Variants in OR8J1 observed in about 807,000 individuals in gnomAD.
The protein encoded by OR8J1 is olfactory receptor 8J1.
For missense variants in OR8J1, 400 were observed against 373.0 expected (o/e 1.07, Z -0.60); for synonymous variants, 157 against 144.3 (o/e 1.09, Z -0.63).
intron 1 of OR8J1, among the ~76,000 whole-genome samples, chr11:56,355,355 A>T (rs893567960): frequency 2.0e-5 from 3 of 151,970 alleles, no homozygotes; most frequent in African/African-American, 7.3e-5. Context: ...CTCATCAAGG[A>T]CCAGGCATGC....
At chr11:56,357,979 G>C in intron 1 of OR8J1, 1 of 894,516 alleles carries the variant, frequency 1.1e-6, no homozygotes, top group Non-Finnish European at 1.8e-6. Flanking sequence ...AGATGAAGAT[G>C]CTTACAAGAA....
chr11:56,357,303 C>T (rs1051345344), intron 1 of OR8J1: 17 of 513,514 alleles, frequency 3.3e-5, no homozygotes, highest in African/African-American at 1.9e-4. Flanking sequence ...GCCGTGGATG[C>T]GGGCCTCTCT....
At position 56,360,887 on chromosome 11, in the gene OR8J1, T is replaced by C. The variant is rs746582070; in HGVS notation, c.641T>C (p.Val214Ala). 3 of 1,504,088 alleles carry C rather than the reference T, an allele frequency of 2.0e-6. No individual in the cohort carries two copies. The highest frequency in any genetic ancestry group is 4.8e-5 in the Admixed American group (2 of 41,302). The allele number at this position is 1,504,088 out of a possible 1,614,324, so 93.2% of individuals were successfully genotyped here. A position where few individuals can be genotyped will look rare whatever the true frequency, so the allele number is the denominator to read the frequency against. The change falls in exon 2 of 2, where the codon GTT becomes GCT. Residue 214 changes from valine (V) to alanine (A), a missense_variant. Coordinates refer to ENST00000533152, the MANE Select transcript of OR8J1 (RefSeq NM_001005205.3). ...AATGTGGTTGGTTCCTTGATTATAGTTCTAGTATCTTATTTCAATATTGTT... is the reference window on the plus strand; with the variant it reads ...AATGTGGTTGGTTCCTTGATTATAGCTCTAGTATCTTATTTCAATATTGTT... Reference protein sequence around the residue: ...ATNVVGSLIIVLVSYFNIVLS... With the variant: ...ATNVVGSLIIALVSYFNIVLS...
intron 1 of OR8J1, among the ~76,000 whole-genome samples, chr11:56,359,558 G>T (rs1351892160): frequency 6.6e-6 from 1 of 151,976 alleles, no homozygotes; most frequent in Non-Finnish European, 1.5e-5. Flanking sequence ...ATCCAGTAAA[G>T]CATAATGCCA....
chr11:56,361,031 C>A lies in OR8J1; in HGVS notation c.785C>A (p.Pro262His). 6.7e-7 allele frequency: 1 copy of A among 1,493,680 alleles called. No homozygotes were observed. Among genetic ancestry groups the A allele is most frequent in the African/African-American group, 1.4e-5 (1 of 69,786 alleles). The allele number at this position is 1,493,680 out of a possible 1,614,324, so 92.5% of individuals were successfully genotyped here. The change falls in exon 2 of 2, where the codon CCC (proline) becomes CAC (histidine). Residue 262 changes from proline to histidine, a missense_variant. Transcript: ENST00000533152. ...YGTLLFMYVQ[P>H]RSNHSLDTDD... is the part of the protein sequence containing the mutation. ...ACATTGCTATTCATGTATGTGCAGC[C>A]CCGAAGTAACCATTCACTGGATACT...
intron 1 of OR8J1, among the ~76,000 whole-genome samples, chr11:56,359,389 A>G (rs1200589891): frequency 2.0e-5 from 3 of 151,988 alleles, no homozygotes; most frequent in Non-Finnish European, 4.4e-5. Context: ...AATCAACTGA[A>G]AGAGCAGATA....
At position 56,360,473 on chromosome 11, in the gene OR8J1, T is replaced by C; in HGVS notation, c.227T>C (p.Val76Ala). ...CTCATTAATCTTGGTAACTCTACTG[T>C]CATTGCCCCTAAAATGCTGATTAAC... ...LALINLGNST[V>A]IAPKMLINFL... Residue 76 changes from valine to alanine, a missense_variant, in exon 2 of 2, where the codon GTC (valine) becomes GCC (alanine). Physicochemically the swap from Val to Ala is moderately conservative, Grantham distance 64. Coordinates refer to ENST00000533152, the MANE Select transcript of OR8J1 (RefSeq NM_001005205.3). The C allele has an allele frequency of 6.2e-7, 1 of 1,614,180 alleles. No homozygotes were observed. The highest frequency in any genetic ancestry group is 8.5e-7 in the Non-Finnish European group (1 of 1,180,024).
intron 1 of OR8J1, among the ~76,000 whole-genome samples, chr11:56,356,635 T>G (rs1044107130): frequency 1.3e-5 from 2 of 152,172 alleles, no homozygotes; most frequent in African/African-American, 4.8e-5. Context: ...AAAATAGGAT[T>G]GATCTTCAGT....
At chr11:56,354,846 A>G (rs1281625890) in intron 1 of OR8J1, among the ~76,000 whole-genome samples, 2 of 152,248 alleles carry the variant, frequency 1.3e-5, no homozygotes, top group African/African-American at 4.8e-5. Context: ...CCACTGCAAT[A>G]ATGGAAAGTG....
intron 1 of OR8J1, among the ~76,000 whole-genome samples, chr11:56,356,183 T>C (rs1256294364): frequency 6.6e-6 from 1 of 152,156 alleles, no homozygotes; most frequent in Non-Finnish European, 1.5e-5. Context: ...CCAAGAAGGA[T>C]ACAATAATTA....
intron 1 of OR8J1, chr11:56,357,845 T>A (rs1854990741): frequency 8.4e-6 from 8 of 953,848 alleles, no homozygotes; most frequent in Non-Finnish European, 1.2e-5. Context: ...TGTCTATCCC[T>A]CACAGTACCA....
chr11:56,361,193 T>C lies in OR8J1; in HGVS notation c.947T>C (p.Met316Thr), dbSNP rs1852634457. 1.6e-6 allele frequency: 2 copies of C among 1,278,964 alleles called. No individual in the cohort carries two copies. Among genetic ancestry groups the C allele is most frequent in the East Asian group, 2.8e-5 (1 of 36,278 alleles). 79.2% of individuals were successfully genotyped at this position (1,278,964 alleles called of 1,614,324 possible). ...MTNLCYSFKT[M>T] Reference sequence around the variant, plus strand: ...AATCTGTGCTATTCCTTTAAAACAATGTAATTTTAAACAGTACAGGTAAAT... The same window carrying C: ...AATCTGTGCTATTCCTTTAAAACAACGTAATTTTAAACAGTACAGGTAAAT... Residue 316 changes from methionine (M) to threonine (T), a missense_variant, in exon 2 of 2, where the codon ATG becomes ACG. Coordinates refer to ENST00000533152, the MANE Select transcript of OR8J1 (RefSeq NM_001005205.3).
At chr11:56,358,238 T>C (rs1852584874) in intron 1 of OR8J1, 1 of 245,698 alleles carries the variant, frequency 4.1e-6, no homozygotes, top group Non-Finnish European at 8.2e-6. Flanking sequence ...CAATTTTCTA[T>C]GAGGATTTTT....
intron 1 of OR8J1, among the ~76,000 whole-genome samples, chr11:56,356,351 ATAAT>A (rs1212804560): frequency 6.6e-6 from 1 of 152,242 alleles, no homozygotes; most frequent in Non-Finnish European, 1.5e-5. Flanking sequence ...TCACTTTTTA[ATAAT>A]TAATTATTGA....
In OR8J1 at chr11:56,356,825, C is replaced by T. The variant is rs115056024; in HGVS notation, c.-21+2500C>T. ...TGCTTAAATTATTATTTAAATGTTT[C>T]ATAAGCACATAAAGCTTAATATGTT... On this transcript the variant is annotated intron_variant, in intron 1 of 1. Coordinates refer to ENST00000533152, the MANE Select transcript of OR8J1 (RefSeq NM_001005205.3). 8.5e-3 allele frequency among the ~76,000 whole-genome samples: 1,288 copies of T among 152,270 alleles called. 27 individuals are homozygous for T. Among genetic ancestry groups the T allele is most frequent in the African/African-American group, 0.03 (1,237 of 41,560 alleles).
chr11:56,357,840 A>G (rs1854990657), intron 1 of OR8J1: 3 of 976,720 alleles, frequency 3.1e-6, no homozygotes, highest in African/African-American at 1.6e-5. Context: ...AGGCTTGTCT[A>G]TCCCTCACAG....
Position 56,361,032 on chromosome 11 carries a change from C to T in OR8J1, c.786C>T (p.Pro262=). 3 of 1,494,554 alleles carry T rather than the reference C, an allele frequency of 2.0e-6. No individual in the cohort carries two copies. The highest frequency in any genetic ancestry group is 1.5e-5 in the South Asian group (1 of 66,542). The allele number at this position is 1,494,554 out of a possible 1,614,324, so 92.6% of individuals were successfully genotyped here. The change falls in exon 2 of 2, where the codon CCC becomes CCT. Residue 262 remains proline, a synonymous_variant. Transcript: ENST00000533152. ...YGTLLFMYVQ[P]RSNHSLDTDD... Reference sequence around the variant, plus strand: ...CATTGCTATTCATGTATGTGCAGCCCCGAAGTAACCATTCACTGGATACTG... The same window carrying T: ...CATTGCTATTCATGTATGTGCAGCCTCGAAGTAACCATTCACTGGATACTG...
rs151149270 is a variant in OR8J1, at chr11:56,360,767, T to A, written c.521T>A (p.Ile174Asn). 3.1e-4 allele frequency: 493 copies of A among 1,589,518 alleles called. 1 individual carries two copies. The African/African-American group carries it at 6.2e-3, about 20-fold the overall frequency. Residue 174 changes from isoleucine to asparagine, a missense_variant, in exon 2 of 2, where the codon ATC (isoleucine) becomes AAC (asparagine). Physicochemically the swap from Ile to Asn is moderately radical, Grantham distance 149. Coordinates refer to ENST00000533152, the MANE Select transcript of OR8J1 (RefSeq NM_001005205.3). ...GTGTCTTATTGCTCTTCTAATATAA[T>A]CAATCATTTTTACTGTGATAATGTT... ...FSVSYCSSNI[I>N]NHFYCDNVPL...
At position 56,360,792 on chromosome 11, in the gene OR8J1, T is replaced by A; in HGVS notation, c.546T>A (p.Val182=). Residue 182 remains valine, a synonymous_variant, in exon 2 of 2, where the codon GTT becomes GTA. Transcript: ENST00000533152. ...TCAATCATTTTTACTGTGATAATGT[T>A]CCTCTGTTAGCATTATCTTGCTCTG... ...NIINHFYCDN[V]PLLALSCSDT... The A allele has an allele frequency of 6.4e-7, 1 of 1,574,040 alleles. No homozygotes were observed. The highest frequency in any genetic ancestry group is 2.0e-5 in the Admixed American group (1 of 51,196).
Sources: allele counts gnomAD v4.1 joint callset (sites outside exome capture counted in the v4.1 genomes callset), GRCh38; gene constraint gnomAD v4.1.1; transcripts MANE v1.5; gene names NCBI Gene and HGNC (gene_info 2026-07-23, HGNC 2026-07-21).